The following UNC5D variants were observed in gnomAD, a reference collection of about 807,000 sequenced individuals.
UNC5D encodes the protein netrin receptor UNC5D.
Under a neutral mutation model 105.4 loss-of-function variants are expected in UNC5D, and 39 were observed. The ratio of observed to expected loss-of-function variants is 0.37; its 90% CI spans 0.29 to 0.48. UNC5D has a LOEUF of 0.48. UNC5D is among the 20% of genes least tolerant of loss of function. The pLI is 0.98. For synonymous variants in UNC5D, 452 were observed against 450.4 expected (o/e 1.00, Z -0.04); for missense variants, 991 against 1,202.4 (o/e 0.82, Z 2.60).
intron 1 of UNC5D, among the ~76,000 whole-genome samples, chr8:35,371,682 G>T (rs904418814): frequency 6.6e-6 from 1 of 151,990 alleles, no homozygotes; most frequent in Non-Finnish European, 1.5e-5. Flanking sequence ...AAAAATCCAG[G>T]TCATAACTCT....
chr8:35,470,960 C>T (rs555061530), intron 1 of UNC5D, among the ~76,000 whole-genome samples: 1 of 152,058 alleles, frequency 6.6e-6, no homozygotes, highest in Non-Finnish European at 1.5e-5. Flanking sequence ...GGTTGAGTTC[C>T]CATTTTGTAA....
At chr8:35,270,043 A>G (rs1193684049) in intron 1 of UNC5D, among the ~76,000 whole-genome samples, 1 of 152,164 alleles carries the variant, frequency 6.6e-6, no homozygotes, top group African/African-American at 2.4e-5. Context: ...TTCCTTTTGA[A>G]TGTATCTCTT....
chr8:35,415,010 G>C (rs191849350), intron 1 of UNC5D, among the ~76,000 whole-genome samples: 1 of 152,110 alleles, frequency 6.6e-6, no homozygotes, highest in African/African-American at 2.4e-5. Context: ...GAACCTTAAG[G>C]TACCTGTGGG....
At chr8:35,661,937 C>G (rs917625786) in intron 4 of UNC5D, among the ~76,000 whole-genome samples, 1 of 152,148 alleles carries the variant, frequency 6.6e-6, no homozygotes, top group East Asian at 1.9e-4. Context: ...CACTTATTCC[C>G]TGATTCATGG....
intron 1 of UNC5D, among the ~76,000 whole-genome samples, chr8:35,361,075 G>A (rs1801826907): frequency 6.6e-6 from 1 of 152,024 alleles, no homozygotes; most frequent in Non-Finnish European, 1.5e-5. Context: ...CTGAAAACTA[G>A]CATGCTTGCC....
At chr8:35,364,730 C>T (rs1008468934) in intron 1 of UNC5D, among the ~76,000 whole-genome samples, 5 of 152,090 alleles carry the variant, frequency 3.3e-5, no homozygotes, top group African/African-American at 7.2e-5. Flanking sequence ...ACAAGTTTAT[C>T]GCAGTACCTC....
intron 1 of UNC5D, among the ~76,000 whole-genome samples, chr8:35,479,581 A>C (rs1044995684): frequency 2.4e-4 from 36 of 152,202 alleles, no homozygotes; most frequent in African/African-American, 8.7e-4. Context: ...AATGTGGTGC[A>C]TATACACCAT....
At chr8:35,434,020 ATAATT>A (rs1325833087) in intron 1 of UNC5D, among the ~76,000 whole-genome samples, 1 of 152,084 alleles carries the variant, frequency 6.6e-6, no homozygotes, top group Admixed American at 6.6e-5. Flanking sequence ...TATTTATACA[ATAATT>A]TATTTTAAAG....
chr8:35,494,916 A>G (rs1376469728), intron 1 of UNC5D, among the ~76,000 whole-genome samples: 2 of 152,162 alleles, frequency 1.3e-5, no homozygotes, highest in African/African-American at 2.4e-5. Flanking sequence ...CCTTTAGAAC[A>G]TGACTCTGGC....
Position 35,750,141 on chromosome 8 carries a change from G to GT in UNC5D, c.1936-432dup, listed in dbSNP as rs894144853. ...CACACTGAACATAACCATTTCTTGA[G>GT]TTTTTTTTTCTTTTGAAATGGAGTC... is the stretch of plus-strand genomic sequence containing the variant. On this transcript the variant is annotated intron_variant, in intron 12 of 16. Coordinates refer to ENST00000404895, the MANE Select transcript of UNC5D (RefSeq NM_080872.4). 7.9e-3 allele frequency among the ~76,000 whole-genome samples: 1,203 copies of GT among 151,516 alleles called. 19 individuals carry two copies. The highest frequency in any genetic ancestry group is 0.027 in the African/African-American group (1,134 of 41,316).
rs1027827926 is a variant in UNC5D at position 35,684,148 on chromosome 8, A to G, written c.751+421A>G. ...AAATCCTCCAAAAACAAACAATACT[A>G]TTTGCTGAATATCTCAGGTATTGTA... On this transcript the variant is annotated intron_variant, in intron 5 of 16. Coordinates refer to ENST00000404895, the MANE Select transcript of UNC5D (RefSeq NM_080872.4). 3.3e-5 allele frequency among the ~76,000 whole-genome samples: 5 copies of G among 152,214 alleles called. No homozygotes were observed. In the East Asian group the frequency reaches 5.8e-4, roughly 18 times the overall value.
At chr8:35,540,596 T>C (rs1376467544) in intron 1 of UNC5D, among the ~76,000 whole-genome samples, 1 of 152,080 alleles carries the variant, frequency 6.6e-6, no homozygotes, top group Non-Finnish European at 1.5e-5. Context: ...TGGACTAAAT[T>C]TGACATCTTA....
intron 4 of UNC5D, among the ~76,000 whole-genome samples, chr8:35,630,158 T>A (rs1821948321): frequency 1.3e-5 from 2 of 152,232 alleles, no homozygotes. Flanking sequence ...AGATGAACTC[T>A]GGCCTTTTTT....
intron 1 of UNC5D, among the ~76,000 whole-genome samples, chr8:35,333,561 C>T (rs1037504012): frequency 6.6e-6 from 1 of 152,126 alleles, no homozygotes; most frequent in Non-Finnish European, 1.5e-5. Flanking sequence ...CTCACTGCAA[C>T]CTCCGCCTCC....
At position 35,692,604 on chromosome 8, in the gene UNC5D, T is replaced by C. The variant is rs143053037; in HGVS notation, c.1084+5895T>C. On this transcript the variant is annotated intron_variant, in intron 7 of 16. Coordinates refer to ENST00000404895, the MANE Select transcript of UNC5D (RefSeq NM_080872.4). The stretch of plus-strand genomic sequence containing the variant: ...TTTCTTTGGTCAGAGTCAGAAATCA[T>C]ACTTGACTCAATCTAGACTTTTTGT... 3.5e-3 allele frequency among the ~76,000 whole-genome samples: 528 copies of C among 152,314 alleles called. 1 individual carries two copies. The highest frequency in any genetic ancestry group is 0.012 in the African/African-American group (495 of 41,570).
At chr8:35,278,626 G>T (rs990933929) in intron 1 of UNC5D, among the ~76,000 whole-genome samples, 2 of 151,696 alleles carry the variant, frequency 1.3e-5, no homozygotes, top group African/African-American at 4.8e-5. Flanking sequence ...ATATGTATAT[G>T]GTATACACAT....
intron 7 of UNC5D, among the ~76,000 whole-genome samples, chr8:35,696,896 G>A (rs1826820140): frequency 6.6e-6 from 1 of 152,042 alleles, no homozygotes; most frequent in African/African-American, 2.4e-5. Flanking sequence ...CAGTGGAATG[G>A]AAAATTGCCA....
intron 1 of UNC5D, among the ~76,000 whole-genome samples, chr8:35,373,196 G>A (rs1199723130): frequency 6.6e-6 from 1 of 152,122 alleles, no homozygotes; most frequent in Non-Finnish European, 1.5e-5. Context: ...CTTTCTGAAG[G>A]GTAACAAAGG....
intron 3 of UNC5D, among the ~76,000 whole-genome samples, chr8:35,569,686 G>C (rs940013069): frequency 1.3e-5 from 2 of 152,144 alleles, no homozygotes; most frequent in Non-Finnish European, 2.9e-5. Flanking sequence ...CTTTAAAGTA[G>C]CAGGCCAGCT....
Sources: gnomAD v4.1 joint callset for allele counts (sites outside exome capture counted in the v4.1 genomes callset) on GRCh38, gnomAD v4.1.1 for gene constraint, MANE v1.5 for transcripts, NCBI Gene and HGNC (gene_info 2026-07-23, HGNC 2026-07-21) for gene names.